WDR41: variants seen among roughly 807,000 people sequenced by gnomAD.
WDR41 encodes WD repeat domain 41.
Under a neutral mutation model 69.3 loss-of-function variants are expected in WDR41, and 63 were observed. The ratio of observed to expected loss-of-function variants is 0.91; its 90% CI spans 0.74 to 1.12. The LOEUF is 1.12. WDR41 is among the 50% of genes most tolerant of loss of function. WDR41 has a pLI of 0.00. For missense variants in WDR41, 543 were observed against 534.5 expected (o/e 1.02, Z -0.16); for synonymous variants, 185 against 192.1 (o/e 0.96, Z 0.31).
At chr5:77,461,535 T>C (rs1800061264) in intron 4 of WDR41, among the ~76,000 whole-genome samples, 1 of 152,314 alleles carries the variant, frequency 6.6e-6, no homozygotes, top group Admixed American at 6.5e-5. Context: ...CAGATAAGCA[T>C]ATACTTTTAA....
intron 1 of WDR41, among the ~76,000 whole-genome samples, chr5:77,537,673 C>G (rs1743012729): frequency 6.6e-6 from 1 of 152,076 alleles, no homozygotes; most frequent in African/African-American, 2.4e-5. Flanking sequence ...GATATGCTCA[C>G]AGTGGAGTCA....
chr5:77,516,544 G>A (rs1310814332), intron 1 of WDR41, among the ~76,000 whole-genome samples: 1 of 151,740 alleles, frequency 6.6e-6, no homozygotes, highest in Non-Finnish European at 1.5e-5. Context: ...AGATAGTTCC[G>A]AGGTAAATAG....
intron 1 of WDR41, among the ~76,000 whole-genome samples, chr5:77,545,169 G>A (rs1743168466): frequency 6.6e-6 from 1 of 152,082 alleles, no homozygotes. Context: ...AGCAAAGGCA[G>A]TGCTAAGAGG....
At chr5:77,480,158 A>C (rs1234791901) in intron 2 of WDR41, 2 of 152,346 alleles carry the variant, frequency 1.3e-5, no homozygotes. Flanking sequence ...GGCGATCATT[A>C]AAAAGTCAGG....
chr5:77,537,978 GT>G (rs1162527049), intron 1 of WDR41, among the ~76,000 whole-genome samples: 1 of 152,096 alleles, frequency 6.6e-6, no homozygotes, highest in Non-Finnish European at 1.5e-5. Flanking sequence ...TACAAGTGCA[GT>G]TTTTTACCTG....
chr5:77,509,155 C>G (rs561134510), intron 1 of WDR41, among the ~76,000 whole-genome samples: 1 of 152,270 alleles, frequency 6.6e-6, no homozygotes, highest in Non-Finnish European at 1.5e-5. Context: ...TTTCAATCAA[C>G]CAGACCAATA....
intron 1 of WDR41, among the ~76,000 whole-genome samples, chr5:77,490,437 G>A (rs1801723748): frequency 6.6e-6 from 1 of 152,074 alleles, no homozygotes; most frequent in Admixed American, 6.6e-5. Context: ...CCCCAGTTGA[G>A]AACCACTGCT....
rs755740544 is a variant in WDR41, at chr5:77,431,140, A to T, written c.*1995T>A. The T allele has an allele frequency of 6.6e-6, 1 of 152,224 alleles. No individual in the cohort carries two copies. Among genetic ancestry groups the T allele is most frequent in the Non-Finnish European group, 1.5e-5 (1 of 68,034 alleles). The allele number at this position is 152,224 out of a possible 1,614,324, so 9.4% of individuals were successfully genotyped here. A position where few individuals can be genotyped will look rare whatever the true frequency, so the allele number is the denominator to read the frequency against. ...GATGACAGACTCTAAATTTTGAAAG[A>T]AGTTCTACTGTGGGTAAAATGCTAT... On this transcript the variant is annotated 3_prime_UTR_variant, in exon 13 of 13. Coordinates refer to ENST00000296679, the MANE Select transcript of WDR41 (RefSeq NM_018268.4).
chr5:77,468,434 ATC>A (rs1346361796), intron 2 of WDR41, among the ~76,000 whole-genome samples: 1 of 152,210 alleles, frequency 6.6e-6, no homozygotes, highest in Non-Finnish European at 1.5e-5. Flanking sequence ...CTCTTTGAAC[ATC>A]TCTGAGAAAG....
chr5:77,452,509 T>C (rs1799666455), intron 6 of WDR41: 1 of 152,232 alleles, frequency 6.6e-6, no homozygotes, highest in South Asian at 2.1e-4. Flanking sequence ...TTGTCTTTGC[T>C]TATTTCCAAA....
intron 2 of WDR41, among the ~76,000 whole-genome samples, chr5:77,470,006 A>G (rs1043112705): frequency 4.6e-5 from 7 of 150,610 alleles, no homozygotes; most frequent in African/African-American, 7.4e-5. Flanking sequence ...ATGAAGGAAA[A>G]AATGTTAAGG....
At chr5:77,596,781 C>T (rs2112316923) in intron 1 of WDR41, among the ~76,000 whole-genome samples, 1 of 152,172 alleles carries the variant, frequency 6.6e-6, no homozygotes, top group Non-Finnish European at 1.5e-5. Context: ...CGGCAAATGT[C>T]AACACAGTGA....
chr5:77,498,093 G>A (rs1204349135), intron 1 of WDR41, among the ~76,000 whole-genome samples: 1 of 152,142 alleles, frequency 6.6e-6, no homozygotes, highest in Non-Finnish European at 1.5e-5. Context: ...ATGGGAGAGG[G>A]GGAAATAGGG....
intron 1 of WDR41, among the ~76,000 whole-genome samples, chr5:77,574,970 G>A (rs949520806): frequency 3.9e-5 from 6 of 151,930 alleles, no homozygotes; most frequent in Admixed American, 1.3e-4. Flanking sequence ...CTAGAAATGA[G>A]GCGTTAAAAA....
At chr5:77,593,120 G>A (rs1744162273) in intron 1 of WDR41, among the ~76,000 whole-genome samples, 1 of 152,210 alleles carries the variant, frequency 6.6e-6, no homozygotes, top group Non-Finnish European at 1.5e-5. Context: ...AAACAGCCAG[G>A]AGAACAGTGG....
At chr5:77,463,324 T>C (rs1581723094) in intron 3 of WDR41, 98 bp from the exon 4 acceptor site, 1 of 1,075,362 alleles carries the variant, frequency 9.3e-7, no homozygotes, top group Non-Finnish European at 1.3e-6. Context: ...AAGATACATA[T>C]ACATTCCATT....
At chr5:77,501,241 C>T (rs778911773) in intron 1 of WDR41, among the ~76,000 whole-genome samples, 11 of 152,246 alleles carry the variant, frequency 7.2e-5, no homozygotes, top group East Asian at 1.9e-4. Flanking sequence ...TCTGGCTCAG[C>T]GGGCCCCACA....
chr5:77,453,906 A>C lies in WDR41; in HGVS notation c.434T>G (p.Leu145Arg). 1 of 1,614,108 alleles carries C rather than the reference A, an allele frequency of 6.2e-7. No homozygotes were observed. The highest frequency in any genetic ancestry group is 1.1e-5 in the South Asian group (1 of 91,082). The change falls in exon 6 of 13, where the codon CTA becomes CGA. Residue 145 changes from leucine (L) to arginine (R), a missense_variant. Leu to Arg is a moderately radical substitution (Grantham distance 102, BLOSUM62 -2). Coordinates refer to ENST00000296679, the MANE Select transcript of WDR41 (RefSeq NM_018268.4). ...TVKCLTVLQR[L>R]DVWLSGGNDL... Reference sequence around the variant, plus strand: ...ATTCCCACCAGAAAGCCAAACATCTAGTCTCTGAAGAACAGTTAAACACTG... The same window carrying C: ...ATTCCCACCAGAAAGCCAAACATCTCGTCTCTGAAGAACAGTTAAACACTG...
chr5:77,580,763 G>A (rs1177336486), intron 1 of WDR41, among the ~76,000 whole-genome samples: 1 of 151,968 alleles, frequency 6.6e-6, no homozygotes, highest in Non-Finnish European at 1.5e-5. Context: ...AGACCATCCT[G>A]GCTAACATCG....
Sources: gnomAD v4.1 joint callset for allele counts (sites outside exome capture counted in the v4.1 genomes callset) on GRCh38, gnomAD v4.1.1 for gene constraint, MANE v1.5 for transcripts, NCBI Gene and HGNC (gene_info 2026-07-23, HGNC 2026-07-21) for gene names.